PLCL1: variants seen among roughly 807,000 people sequenced by gnomAD.
PLCL1 encodes the protein inactive phospholipase C-like protein 1.
Under a neutral mutation model 84.4 loss-of-function variants are expected in PLCL1, and 41 were observed. The observed-to-expected ratio is 0.49, with a 90% confidence interval of 0.38 to 0.63. PLCL1 has a LOEUF of 0.63. Among genes scored for constraint, PLCL1 ranks in the 30% least tolerant of loss-of-function variants. PLCL1 has a pLI of 0.00. For missense variants in PLCL1, 1,206 were observed against 1,367.8 expected (o/e 0.88, Z 1.87); for synonymous variants, 490 against 488.3 (o/e 1.00, Z -0.05).
intron 2 of PLCL1, among the ~76,000 whole-genome samples, chr2:198,086,895 C>T (rs898002916): frequency 1.3e-5 from 2 of 152,024 alleles, no homozygotes; most frequent in African/African-American, 2.4e-5. Context: ...CATACACATA[C>T]TAATTACCAG....
chr2:197,948,533 C>T (rs1467882532), intron 1 of PLCL1, among the ~76,000 whole-genome samples: 2 of 151,686 alleles, frequency 1.3e-5, no homozygotes, highest in Non-Finnish European at 2.9e-5. Flanking sequence ...TTTTCACTCA[C>T]TACCACCCAT....
intron 1 of PLCL1, among the ~76,000 whole-genome samples, chr2:198,075,771 A>G (rs1692563997): frequency 1.3e-5 from 2 of 152,316 alleles, no homozygotes; most frequent in South Asian, 4.1e-4. Context: ...ATTAAATTTG[A>G]TGATCTTTGT....
At chr2:197,996,401 A>C (rs1047982264) in intron 1 of PLCL1, among the ~76,000 whole-genome samples, 2 of 152,198 alleles carry the variant, frequency 1.3e-5, no homozygotes, top group Admixed American at 6.5e-5. Context: ...AAAGTCATAG[A>C]ACTACATAAC....
At chr2:197,872,575 A>T (rs895886514) in intron 1 of PLCL1, among the ~76,000 whole-genome samples, 1 of 152,164 alleles carries the variant, frequency 6.6e-6, no homozygotes, top group Non-Finnish European at 1.5e-5. Flanking sequence ...TAGGCAAGTT[A>T]TTGAACTGCT....
chr2:197,845,716 T>C (rs1687107299), intron 1 of PLCL1, among the ~76,000 whole-genome samples: 1 of 152,256 alleles, frequency 6.6e-6, no homozygotes, highest in East Asian at 1.9e-4. Flanking sequence ...CCTACGTATC[T>C]CCAGCCAAGA....
intron 1 of PLCL1, among the ~76,000 whole-genome samples, chr2:197,889,607 C>A (rs1432531429): frequency 6.6e-6 from 1 of 152,144 alleles, no homozygotes; most frequent in Non-Finnish European, 1.5e-5. Flanking sequence ...GCTACACCAA[C>A]ACACATTTTT....
chr2:197,903,228 A>G (rs1688301714), intron 1 of PLCL1, among the ~76,000 whole-genome samples: 1 of 152,154 alleles, frequency 6.6e-6, no homozygotes, highest in African/African-American at 2.4e-5. Context: ...TATTGCTACT[A>G]CTTACCACTA....
At chr2:197,888,211 G>T (rs1221445171) in intron 1 of PLCL1, among the ~76,000 whole-genome samples, 1 of 151,988 alleles carries the variant, frequency 6.6e-6, no homozygotes, top group African/African-American at 2.4e-5. Context: ...CTCTCTGGTT[G>T]TATTTCTCAC....
At chr2:197,925,531 G>C (rs951397590) in intron 1 of PLCL1, among the ~76,000 whole-genome samples, 2 of 152,158 alleles carry the variant, frequency 1.3e-5, no homozygotes, top group Admixed American at 1.3e-4. Flanking sequence ...TCATAAATAT[G>C]ACAGTGAGAA....
chr2:197,812,665 A>C (rs572211081), intron 1 of PLCL1, among the ~76,000 whole-genome samples: 19 of 152,328 alleles, frequency 1.2e-4, no homozygotes, highest in African/African-American at 4.3e-4. Flanking sequence ...TAAGCAGGCA[A>C]ACTTGTATTA....
chr2:198,082,000 A>G, intron 1 of PLCL1, among the ~76,000 whole-genome samples: 1 of 152,176 alleles, frequency 6.6e-6, no homozygotes, highest in Non-Finnish European at 1.5e-5. Context: ...GATTTGTCTG[A>G]AATGTTCGGA....
chr2:197,889,176 A>C (rs1370486900), intron 1 of PLCL1, among the ~76,000 whole-genome samples: 5 of 152,210 alleles, frequency 3.3e-5, no homozygotes, highest in Admixed American at 6.5e-5. Context: ...CGAGAAGCAT[A>C]GTGACTAGTG....
chr2:198,040,544 G>A (rs893747001), intron 1 of PLCL1, among the ~76,000 whole-genome samples: 18 of 152,210 alleles, frequency 1.2e-4, no homozygotes, highest in African/African-American at 4.3e-4. Context: ...GCTTCTCCTT[G>A]GTGGGTGGAA....
At chr2:198,039,089 T>A (rs1047630320) in intron 1 of PLCL1, among the ~76,000 whole-genome samples, 2 of 152,254 alleles carry the variant, frequency 1.3e-5, no homozygotes, top group South Asian at 4.1e-4. Flanking sequence ...TTTGACAGGT[T>A]CTTTATACAT....
intron 1 of PLCL1, among the ~76,000 whole-genome samples, chr2:198,025,565 G>C (rs1314382024): frequency 6.6e-6 from 1 of 152,136 alleles, no homozygotes; most frequent in East Asian, 1.9e-4. Context: ...TAATCTGAAT[G>C]TCTGTCCATT....
At chr2:197,838,674 A>T (rs532654892) in intron 1 of PLCL1, among the ~76,000 whole-genome samples, 1 of 152,334 alleles carries the variant, frequency 6.6e-6, no homozygotes, top group South Asian at 2.1e-4. Context: ...ATCACAAAGG[A>T]TTGAAATTTG....
At chr2:198,144,631 T>C (rs1036371115) in intron 5 of PLCL1, among the ~76,000 whole-genome samples, 1 of 152,168 alleles carries the variant, frequency 6.6e-6, no homozygotes, top group Non-Finnish European at 1.5e-5. Context: ...GAAGGATATT[T>C]TCATCATTTT....
chr2:197,967,386 G>A (rs999770525), intron 1 of PLCL1, among the ~76,000 whole-genome samples: 9 of 151,938 alleles, frequency 5.9e-5, no homozygotes, highest in African/African-American at 1.2e-4. Context: ...TAGTAGAGAT[G>A]GGGTTTCACC....
At chr2:197,987,205 A>AT (rs2105809564) in intron 1 of PLCL1, among the ~76,000 whole-genome samples, 1 of 152,362 alleles carries the variant, frequency 6.6e-6, no homozygotes, top group East Asian at 1.9e-4. Context: ...CTGTTGGACC[A>AT]TAAGTCTCAT....
Sources: gnomAD v4.1 joint callset for allele counts (sites outside exome capture counted in the v4.1 genomes callset) on GRCh38, gnomAD v4.1.1 for gene constraint, MANE v1.5 for transcripts, NCBI Gene and HGNC (gene_info 2026-07-23, HGNC 2026-07-21) for gene names.